Variants in UTP20 observed in about 807,000 individuals in gnomAD.
UTP20 encodes the protein small subunit processome component 20 homolog.
A neutral mutation model predicts 329.5 loss-of-function variants in UTP20; 164 were observed. The ratio of observed to expected loss-of-function variants is 0.50; its 90% CI spans 0.44 to 0.57. UTP20 has a LOEUF of 0.57. Ranked by LOEUF, UTP20 falls within the 20% of genes least tolerant of loss-of-function variation. UTP20 has a pLI of 0.00. For synonymous variants in UTP20, 1,151 were observed against 1,159.3 expected (o/e 0.99, Z 0.14); for missense variants, 3,055 against 3,284.2 (o/e 0.93, Z 1.71).
At position 101,286,028 on chromosome 12, in the gene UTP20, T is replaced by A. The variant is rs539972908; in HGVS notation, c.326+147T>A. On this transcript the variant is annotated intron_variant, in intron 4 of 61. Coordinates refer to ENST00000261637, the MANE Select transcript of UTP20 (RefSeq NM_014503.3). ...CCTTTTCTGTTAGGAATAAGTGCAT[T>A]ACCATAAAGTGGAATCTTGGGGTAT... is the stretch of plus-strand genomic sequence containing the variant. 939 of 1,169,100 alleles carry A rather than the reference T, an allele frequency of 8.0e-4. 5 individuals are homozygous for A. The Middle Eastern group carries it at 0.023, about 29-fold the overall frequency. 72.4% of individuals were successfully genotyped at this position (1,169,100 alleles called of 1,614,324 possible).
At chr12:101,371,278 G>T in intron 51 of UTP20, 110 bp downstream of exon 51, 1 of 816,032 alleles carries the variant, frequency 1.2e-6, no homozygotes, top group Non-Finnish European at 1.8e-6. Flanking sequence ...TCGTATTGTT[G>T]CTTTATGCTG....
chr12:101,351,290 C>A (rs1357432654), intron 38 of UTP20, among the ~76,000 whole-genome samples: 2 of 152,078 alleles, frequency 1.3e-5, no homozygotes, highest in Non-Finnish European at 2.9e-5. Context: ...CCATGCCCAG[C>A]TAATTTTTGT....
In UTP20 at chr12:101,295,071, A is replaced by T. The variant is rs76028079; in HGVS notation, c.1252-409A>T. ...ATTGCTTTCTCTGCCCAGTGCACAA[A>T]TGTTGTACTGGGACTTCCTTTTGCT... On this transcript the variant is annotated intron_variant, in intron 11 of 61. Coordinates refer to ENST00000261637, the MANE Select transcript of UTP20 (RefSeq NM_014503.3). Among the ~76,000 whole-genome samples, 677 of 152,100 alleles carry T rather than the reference A, an allele frequency of 4.5e-3. 5 individuals carry two copies. Among genetic ancestry groups the T allele is most frequent in the African/African-American group, 0.015 (615 of 41,476 alleles).
chr12:101,281,554 T>C (rs201569754), intron 2 of UTP20, among the ~76,000 whole-genome samples: 85 of 152,312 alleles, frequency 5.6e-4, no homozygotes, highest in East Asian at 3.7e-3. Flanking sequence ...TGCAGATCCA[T>C]ATTCCTGAAG....
intron 56 of UTP20, among the ~76,000 whole-genome samples, chr12:101,376,916 G>A (rs997123479): frequency 1.3e-5 from 2 of 152,134 alleles, no homozygotes; most frequent in African/African-American, 4.8e-5. Context: ...CCAAAGTGCT[G>A]GGATTACAGG....
intron 21 of UTP20, among the ~76,000 whole-genome samples, chr12:101,312,510 C>T (rs1297464398): frequency 2.0e-5 from 3 of 152,156 alleles, no homozygotes; most frequent in Non-Finnish European, 4.4e-5. Flanking sequence ...GGTGCGATCT[C>T]GGCTCACTGC....
intron 39 of UTP20, 91 bp from the exon 40 acceptor site, chr12:101,352,956 A>T (rs1869586139): frequency 1.6e-6 from 1 of 610,880 alleles, no homozygotes; most frequent in Non-Finnish European, 2.6e-6. Context: ...AATAATTTTA[A>T]TGTTTATTAG....
At chr12:101,310,115 G>A (rs1194454196) in intron 19 of UTP20, among the ~76,000 whole-genome samples, 2 of 152,132 alleles carry the variant, frequency 1.3e-5, no homozygotes, top group East Asian at 3.9e-4. Flanking sequence ...TGATACTTTT[G>A]TGTTATTAAA....
intron 48 of UTP20, 141 bp from the exon 49 acceptor site, chr12:101,369,580 G>A (rs1870212848): frequency 3.7e-6 from 2 of 546,322 alleles, no homozygotes; most frequent in Non-Finnish European, 6.6e-6. Context: ...TACATTTTGG[G>A]CACAGTTCTT....
intron 15 of UTP20, among the ~76,000 whole-genome samples, chr12:101,303,177 G>A (rs2094986196): frequency 6.6e-6 from 1 of 152,170 alleles, no homozygotes; most frequent in African/African-American, 2.4e-5. Flanking sequence ...ACTTTGTTCA[G>A]TAGGTAATCA....
At chr12:101,371,233 G>A in intron 51 of UTP20, 65 bp downstream of exon 51, 1 of 1,182,480 alleles carries the variant, frequency 8.5e-7, no homozygotes, top group African/African-American at 1.6e-5. Flanking sequence ...TGGCAGAGGT[G>A]TCAACACTGG....
intron 10 of UTP20, among the ~76,000 whole-genome samples, chr12:101,292,600 G>A (rs759359978): frequency 4.6e-5 from 7 of 152,190 alleles, no homozygotes; most frequent in African/African-American, 7.2e-5. Flanking sequence ...GTCCTTGAAG[G>A]TTGAAAAGCA....
chr12:101,305,902 C>T lies in UTP20; in HGVS notation c.1782-13C>T. The T allele has an allele frequency of 6.3e-7, 1 of 1,584,716 alleles. No individual in the cohort carries two copies. The highest frequency in any genetic ancestry group is 8.6e-7 in the Non-Finnish European group (1 of 1,162,780). On this transcript the variant is annotated splice_polypyrimidine_tract_variant and intron_variant, in intron 15 of 61. Coordinates refer to ENST00000261637, the MANE Select transcript of UTP20 (RefSeq NM_014503.3). ...TATGGTACAGTTTGGGTCTAATGAA[C>T]ATCTCGTTGCAGAACCTTTCCCCTG... is the stretch of plus-strand genomic sequence containing the variant.
chr12:101,373,336 T>C, intron 52 of UTP20, 65 bp from the exon 53 acceptor site: 1 of 1,460,884 alleles, frequency 6.8e-7, no homozygotes, highest in Non-Finnish European at 9.5e-7. Flanking sequence ...AATATTTTCA[T>C]TTTTTAAATA....
Position 101,353,031 on chromosome 12 carries a change from C to CTT in UTP20, c.5025-7_5025-6dup. On this transcript the variant is annotated splice_polypyrimidine_tract_variant and intron_variant, in intron 39 of 61. Coordinates refer to ENST00000261637, the MANE Select transcript of UTP20 (RefSeq NM_014503.3). The stretch of plus-strand genomic sequence containing the variant: ...ATAATCAAATGAACATTTCTGTATA[C>CTT]TTTTTTTTTTAACAGTTTGCTAGTA... 10 of 1,342,058 alleles carry CTT rather than the reference C, an allele frequency of 7.5e-6. No homozygotes were observed. Among genetic ancestry groups the CTT allele is most frequent in the South Asian group, 3.0e-5 (2 of 65,794 alleles). The allele number at this position is 1,342,058 out of a possible 1,614,324, so 83.1% of individuals were successfully genotyped here.
chr12:101,307,335 C>T (rs552835767), intron 17 of UTP20, among the ~76,000 whole-genome samples: 2 of 147,438 alleles, frequency 1.4e-5, no homozygotes, highest in Non-Finnish European at 3.0e-5. Context: ...ATAATTTAAA[C>T]AAATGGGGTT....
At chr12:101,285,716 A>G (rs1565783548) in intron 3 of UTP20, 33 bp from the exon 4 acceptor site, 1 of 1,613,152 alleles carries the variant, frequency 6.2e-7, no homozygotes. Flanking sequence ...GTGGTGTGAT[A>G]GAAAAGAACA....
intron 52 of UTP20, among the ~76,000 whole-genome samples, 197 bp downstream of exon 52, chr12:101,373,160 A>G (rs1314119849): frequency 6.6e-6 from 1 of 152,158 alleles, no homozygotes; most frequent in African/African-American, 2.4e-5. Context: ...TTTTCAATCT[A>G]ATTTAACCGT....
intron 2 of UTP20, among the ~76,000 whole-genome samples, chr12:101,283,677 T>G (rs1871868477): frequency 6.6e-6 from 1 of 152,226 alleles, no homozygotes; most frequent in Non-Finnish European, 1.5e-5. Context: ...TGAAAATGCC[T>G]TAAAGGACAT....
Sources: allele counts gnomAD v4.1 joint callset (sites outside exome capture counted in the v4.1 genomes callset), GRCh38; gene constraint gnomAD v4.1.1; transcripts MANE v1.5; gene names NCBI Gene and HGNC (gene_info 2026-07-23, HGNC 2026-07-21).